METTL24: variants seen among roughly 807,000 people sequenced by gnomAD.
METTL24 encodes methyltransferase like 24.
In METTL24, 29 loss-of-function variants were observed where a neutral mutation model predicts 32.7. That is an observed-to-expected ratio of 0.89 (90% confidence interval 0.66 to 1.21). METTL24 has a LOEUF of 1.21. Among genes scored for constraint, METTL24 ranks in the 50% most tolerant of loss-of-function variants. The probability of loss-of-function intolerance (pLI) is 0.00; values close to 1 mark genes in which losing one functional copy is unlikely to be tolerated. For synonymous variants in METTL24, 163 were observed against 179.5 expected (o/e 0.91, Z 0.73); for missense variants, 439 against 468.1 (o/e 0.94, Z 0.57).
At chr6:110,268,366 G>A (rs1365168938) in intron 4 of METTL24, among the ~76,000 whole-genome samples, 4 of 152,178 alleles carry the variant, frequency 2.6e-5, no homozygotes, top group African/African-American at 4.8e-5. Context: ...CTTGCAGCAT[G>A]TTCTTAACAC....
chr6:110,250,555 C>T (rs961639045), intron 4 of METTL24, among the ~76,000 whole-genome samples: 1 of 151,910 alleles, frequency 6.6e-6, no homozygotes, highest in African/African-American at 2.4e-5. Flanking sequence ...CAACCCATAA[C>T]AGTGTTTGGG....
intron 1 of METTL24, among the ~76,000 whole-genome samples, chr6:110,327,786 A>G (rs989384864): frequency 6.6e-6 from 1 of 152,256 alleles, no homozygotes; most frequent in Admixed American, 6.5e-5. Context: ...GAAAAGGACA[A>G]AAATCATCTT....
rs145567429 is a variant in METTL24, at chr6:110,271,026, T to C, written c.787-24766A>G. On this transcript the variant is annotated intron_variant, in intron 4 of 4. Transcript: ENST00000338882. ...CTAATTATTTTCTATTTTTCTTTTTTTTTTTGTATTTTTAGTAGAGATGGG... is the reference window on the plus strand; with the variant it reads ...CTAATTATTTTCTATTTTTCTTTTTCTTTTTGTATTTTTAGTAGAGATGGG... Among the ~76,000 whole-genome samples, 508 of 151,824 alleles carry C rather than the reference T, an allele frequency of 3.3e-3. 4 individuals are homozygous for C. The highest frequency in any genetic ancestry group is 0.012 in the African/African-American group (487 of 41,444).
chr6:110,262,102 G>A (rs1245620602), intron 4 of METTL24, among the ~76,000 whole-genome samples: 1 of 152,072 alleles, frequency 6.6e-6, no homozygotes, highest in Admixed American at 6.5e-5. Context: ...CAGAAGGCAA[G>A]AAATAACTAA....
At chr6:110,273,571 T>C (rs951626364) in intron 4 of METTL24, among the ~76,000 whole-genome samples, 3 of 149,050 alleles carry the variant, frequency 2.0e-5, no homozygotes, top group East Asian at 1.9e-4. Context: ...AGGACACGAA[T>C]AGACAATTCT....
intron 4 of METTL24, chr6:110,253,761 CTG>C: frequency 1.4e-6 from 1 of 725,084 alleles, no homozygotes; most frequent in Non-Finnish European, 2.0e-6. Flanking sequence ...ACGAGCATAA[CTG>C]AAACACACAT....
chr6:110,292,355 T>A (rs571822201), intron 4 of METTL24, among the ~76,000 whole-genome samples: 1 of 152,352 alleles, frequency 6.6e-6, no homozygotes, highest in East Asian at 1.9e-4. Flanking sequence ...ACTTTTTATC[T>A]TTGATAATCT....
chr6:110,306,424 T>C (rs1771629419), intron 3 of METTL24, among the ~76,000 whole-genome samples: 1 of 151,848 alleles, frequency 6.6e-6, no homozygotes, highest in South Asian at 2.1e-4. Flanking sequence ...TTAGCAGTTT[T>C]TTATATATCT....
chr6:110,253,367 T>C (rs1406723120), intron 4 of METTL24, among the ~76,000 whole-genome samples: 1 of 152,152 alleles, frequency 6.6e-6, no homozygotes, highest in Non-Finnish European at 1.5e-5. Context: ...CGAGAGAGCA[T>C]CAAAGGATCA....
intron 4 of METTL24, among the ~76,000 whole-genome samples, chr6:110,274,804 T>TTC (rs1259364068): frequency 2.0e-5 from 2 of 99,446 alleles, no homozygotes; most frequent in African/African-American, 1.0e-4. Context: ...CGTTCTTTCT[T>TTC]TTTTTTTTTT....
chr6:110,256,468 G>A (rs528189650), intron 4 of METTL24, among the ~76,000 whole-genome samples: 1 of 152,166 alleles, frequency 6.6e-6, no homozygotes, highest in African/African-American at 2.4e-5. Flanking sequence ...TTGATCTTTT[G>A]ATTTCCTTAC....
chr6:110,345,035 T>C (rs1772443018), intron 1 of METTL24, among the ~76,000 whole-genome samples: 1 of 152,202 alleles, frequency 6.6e-6, no homozygotes, highest in Non-Finnish European at 1.5e-5. Flanking sequence ...ACTGTGCATC[T>C]GACATAGGTC....
At chr6:110,326,920 C>T (rs1343842843) in intron 1 of METTL24, among the ~76,000 whole-genome samples, 1 of 152,156 alleles carries the variant, frequency 6.6e-6, no homozygotes, top group African/African-American at 2.4e-5. Context: ...CCAGCAGGGG[C>T]AAATGGAAGG....
chr6:110,302,454 TAC>T lies in METTL24; in HGVS notation c.558-3306_558-3305del, dbSNP rs550865266. On this transcript the variant is annotated intron_variant, in intron 3 of 4. Transcript: ENST00000338882. Reference sequence around the variant, plus strand: ...ACACATATGTGTATATATACACATATACACACATATGTGTATATATACACATA... The same window carrying T: ...ACACATATGTGTATATATACACATATACACATATGTGTATATATACACATA... 4.5e-4 allele frequency among the ~76,000 whole-genome samples: 36 copies of T among 79,772 alleles called. 1 individual carries two copies. The highest frequency in any genetic ancestry group is 9.0e-5 in the African/African-American group (1 of 11,132). The allele number at this position is 79,772 out of a possible 152,430, so 52.3% of individuals were successfully genotyped here. A position where few individuals can be genotyped will look rare whatever the true frequency, so the allele number is the denominator to read the frequency against.
chr6:110,266,663 G>C (rs941789217), intron 4 of METTL24, among the ~76,000 whole-genome samples: 4 of 151,932 alleles, frequency 2.6e-5, no homozygotes. Context: ...AATCATACTT[G>C]GTCACTTCCT....
intron 1 of METTL24, among the ~76,000 whole-genome samples, chr6:110,346,208 T>C (rs1772469170): frequency 2.6e-5 from 4 of 152,200 alleles, no homozygotes; most frequent in Admixed American, 2.6e-4. Context: ...TCAAACCCAT[T>C]GGTCTATACC....
In METTL24 at chr6:110,290,203, C is replaced by T. The variant is rs557986354; in HGVS notation, c.786+8719G>A. On this transcript the variant is annotated intron_variant, in intron 4 of 4. Coordinates refer to ENST00000338882, the MANE Select transcript of METTL24 (RefSeq NM_001123364.3). ...AAGTGCTGGGATTACAGGTGTAAGC[C>T]ACCATGCCCAGCCAATTGACAACTT... is the stretch of plus-strand genomic sequence containing the variant. 6.6e-5 allele frequency among the ~76,000 whole-genome samples: 10 copies of T among 152,226 alleles called. No homozygotes were observed. The South Asian group carries it at 1.5e-3, about 22-fold the overall frequency.
At chr6:110,315,320 T>G in intron 3 of METTL24, 22 bp downstream of exon 3, 1 of 1,613,432 alleles carries the variant, frequency 6.2e-7, no homozygotes, top group Admixed American at 1.7e-5. Context: ...TGTTTTCTTC[T>G]GCTGTAAAAA....
At chr6:110,354,417 A>G (rs1299611134) in intron 1 of METTL24, among the ~76,000 whole-genome samples, 1 of 152,222 alleles carries the variant, frequency 6.6e-6, no homozygotes, top group Non-Finnish European at 1.5e-5. Context: ...TATTTCATGC[A>G]GGTTTTCATC....
Sources: allele counts gnomAD v4.1 joint callset (sites outside exome capture counted in the v4.1 genomes callset), GRCh38; gene constraint gnomAD v4.1.1; transcripts MANE v1.5; gene names NCBI Gene and HGNC (gene_info 2026-07-23, HGNC 2026-07-21).